The following CHLSN variants were observed in gnomAD, a reference collection of about 807,000 sequenced individuals.
CHLSN encodes the protein protein cholesin.
At chr7:1,109,622 A>C in the CHLSN span, among the ~76,000 whole-genome samples, 4 of 151,540 alleles carry the variant, frequency 2.6e-5, no homozygotes, top group South Asian at 2.1e-4. Context: ...TGCCCTCCCC[A>C]CTCACCTCTG....
chr7:1,073,390 C>T, the CHLSN span, among the ~76,000 whole-genome samples: 1 of 152,262 alleles, frequency 6.6e-6, no homozygotes, highest in East Asian at 1.9e-4. Flanking sequence ...CAGGCAGCTC[C>T]TCCGGCGCCC....
the CHLSN span, among the ~76,000 whole-genome samples, chr7:1,076,613 C>T: frequency 2.6e-5 from 4 of 152,270 alleles, no homozygotes; most frequent in African/African-American, 9.6e-5. Flanking sequence ...AAGGTCTATG[C>T]TTTCAGTTTC....
chr7:1,004,538 C>A, the CHLSN span, among the ~76,000 whole-genome samples: 2 of 152,206 alleles, frequency 1.3e-5, no homozygotes, highest in Non-Finnish European at 2.9e-5. Flanking sequence ...CGAGCCCCCA[C>A]CAGGCAGACT....
At chr7:1,021,116 G>A in the CHLSN span, among the ~76,000 whole-genome samples, 5 of 151,654 alleles carry the variant, frequency 3.3e-5, no homozygotes, top group African/African-American at 9.7e-5. Flanking sequence ...GGAACTCCAG[G>A]TTGGGAACCT....
At chr7:1,028,985 T>G in the CHLSN span, 6 of 184,488 alleles carry the variant, frequency 3.3e-5, no homozygotes, top group Non-Finnish European at 6.0e-5. Flanking sequence ...CATCCACGTG[T>G]CCAGCAAAGG....
At chr7:1,093,327 G>A in the CHLSN span, 2 of 423,124 alleles carry the variant, frequency 4.7e-6, no homozygotes, top group Non-Finnish European at 1.0e-5. Flanking sequence ...GGTCTGAGCT[G>A]GACGTCGCGG....
At chr7:1,011,699 G>T in the CHLSN span, among the ~76,000 whole-genome samples, 1 of 142,864 alleles carries the variant, frequency 7.0e-6, no homozygotes, top group African/African-American at 2.7e-5. Flanking sequence ...CACACACCCA[G>T]ACACCCACAG....
the CHLSN span, among the ~76,000 whole-genome samples, chr7:1,061,036 G>A: frequency 2.1e-4 from 32 of 152,288 alleles, no homozygotes; most frequent in Middle Eastern, 3.4e-3. Context: ...TTGGCTCCAC[G>A]CTGAGCTCCC....
chr7:1,051,409 G>C, the CHLSN span, among the ~76,000 whole-genome samples: 3 of 152,354 alleles, frequency 2.0e-5, no homozygotes, highest in East Asian at 5.8e-4. Context: ...CCCGCACAGC[G>C]TGGGGAGCAC....
the CHLSN span, chr7:1,000,615 C>A: frequency 7.2e-7 from 1 of 1,381,402 alleles, no homozygotes; most frequent in East Asian, 2.4e-5. Context: ...GCTGTCTGCC[C>A]TGAGAGATCG....
chr7:1,017,744 C>G, the CHLSN span, among the ~76,000 whole-genome samples: 1 of 151,914 alleles, frequency 6.6e-6, no homozygotes, highest in African/African-American at 2.4e-5. Context: ...AAGGGGCAGC[C>G]GCGGACGGCG....
chr7:1,132,694 TAA>T, the CHLSN span, among the ~76,000 whole-genome samples: 23 of 106,964 alleles, frequency 2.2e-4, no homozygotes, highest in Admixed American at 4.0e-4. Flanking sequence ...AACCTGTCTT[TAA>T]AAAAAAAAAA....
the CHLSN span, among the ~76,000 whole-genome samples, chr7:1,010,680 G>A: frequency 6.6e-6 from 1 of 152,078 alleles, no homozygotes; most frequent in Admixed American, 6.5e-5. Context: ...GGAGGGAGAG[G>A]GCCCGCTGTG....
At chr7:1,013,844 T>C in the CHLSN span, among the ~76,000 whole-genome samples, 1 of 152,338 alleles carries the variant, frequency 6.6e-6, no homozygotes, top group South Asian at 2.1e-4. Context: ...GACACTCATA[T>C]GAAGTACAGA....
the CHLSN span, chr7:1,092,203 C>T: frequency 1.9e-6 from 3 of 1,613,050 alleles, no homozygotes; most frequent in Non-Finnish European, 2.5e-6. Flanking sequence ...CTACATCGCC[C>T]TGGCCAGGGC....
chr7:1,096,754 CTT>C, the CHLSN span, among the ~76,000 whole-genome samples: 1 of 152,234 alleles, frequency 6.6e-6, no homozygotes, highest in Non-Finnish European at 1.5e-5. The surrounding 1 kb of genome is among the most constrained non-coding windows in gnomAD (Gnocchi z 4.6). Flanking sequence ...ACAATTAACT[CTT>C]GACCTCACGA....
At chr7:1,058,147 C>A in the CHLSN span, 1 of 740,814 alleles carries the variant, frequency 1.3e-6, no homozygotes, top group South Asian at 1.4e-5. Context: ...GTGCTACTCT[C>A]CCGCGTCCGC....
the CHLSN span, among the ~76,000 whole-genome samples, chr7:1,106,296 G>A: frequency 6.6e-6 from 1 of 152,224 alleles, no homozygotes; most frequent in African/African-American, 2.4e-5. Flanking sequence ...TCAAGGGTGT[G>A]TGTGTCTGGG....
At chr7:1,039,654 T>C in the CHLSN span, among the ~76,000 whole-genome samples, 418 of 52,190 alleles carry the variant, frequency 8.0e-3, no homozygotes, top group African/African-American at 0.034. Flanking sequence ...GCCCGGCCAC[T>C]ACCCCGTCTG....
Sources: gnomAD v4.1 joint callset for allele counts (sites outside exome capture counted in the v4.1 genomes callset) on GRCh38, gnomAD v4.1.1 for gene constraint, Gnocchi (gnomAD v3.1) non-coding constraint, MANE v1.5 for transcripts, NCBI Gene and HGNC (gene_info 2026-07-23, HGNC 2026-07-21) for gene names.